The following ARSB variants were observed in gnomAD, a reference collection of about 807,000 sequenced individuals.
ARSB encodes arylsulfatase B.
ARSB carries 41 observed loss-of-function variants against 50.9 expected under a neutral mutation model. That is an observed-to-expected ratio of 0.81 (90% CI 0.63 to 1.04). The LOEUF is 1.04. Among genes scored for constraint, ARSB ranks in the 50% least tolerant of loss-of-function variants. ARSB has a pLI of 0.00. For synonymous variants in ARSB, 269 were observed against 284.8 expected, an observed-to-expected ratio of 0.94 and a Z score of 0.56; for missense variants, 672 against 693.3, an observed-to-expected ratio of 0.97 and a Z score of 0.35.
At position 78,786,734 on chromosome 5, in the gene ARSB, C is replaced by G. The variant is rs1749089648; in HGVS notation, c.1214-4760G>C. On this transcript the variant is annotated intron_variant, in intron 6 of 7. Coordinates refer to ENST00000264914, the MANE Select transcript of ARSB (RefSeq NM_000046.5). Reference sequence around the variant, plus strand: ...TCCTAGGCTCAAGCGATCCTCTCACCTTAGCCTCCAGAATAGCGGGGACTA... The same window carrying G: ...TCCTAGGCTCAAGCGATCCTCTCACGTTAGCCTCCAGAATAGCGGGGACTA... Among the ~76,000 whole-genome samples the G allele has an allele frequency of 5.3e-5, 8 of 152,314 alleles. No individual in the cohort carries two copies. The South Asian group carries it at 1.7e-3, about 32-fold the overall frequency.
chr5:78,908,421 T>A (rs1055623221), intron 4 of ARSB, among the ~76,000 whole-genome samples: 2 of 151,948 alleles, frequency 1.3e-5, no homozygotes, highest in African/African-American at 4.8e-5. Context: ...AAGAAAAGGC[T>A]CAACAGGAAC....
chr5:78,796,760 T>C (rs1325433306), intron 6 of ARSB, among the ~76,000 whole-genome samples: 1 of 152,136 alleles, frequency 6.6e-6, no homozygotes, highest in Non-Finnish European at 1.5e-5. Context: ...TTCAAGTGAT[T>C]CTCCTGCCTC....
intron 4 of ARSB, among the ~76,000 whole-genome samples, chr5:78,905,937 A>T (rs1377184831): frequency 6.8e-6 from 1 of 147,354 alleles, no homozygotes; most frequent in Admixed American, 6.7e-5. Context: ...AAAAAAAAAA[A>T]GAGGAAAATA....
rs946233967 is a variant in ARSB, at chr5:78,873,747, G to A, written c.1142+11837C>T. ...CCTGACCTTGTGATCCGCCCGCCTCGGCCTCCCAAAGTGCTGGGATTACAG... is the reference window on the plus strand; with the variant it reads ...CCTGACCTTGTGATCCGCCCGCCTCAGCCTCCCAAAGTGCTGGGATTACAG... On this transcript the variant is annotated intron_variant, in intron 5 of 7. Coordinates refer to ENST00000264914, the MANE Select transcript of ARSB (RefSeq NM_000046.5). Among the ~76,000 whole-genome samples, 6 of 151,784 alleles carry A rather than the reference G, an allele frequency of 4.0e-5. No homozygotes were observed. In the South Asian group the frequency reaches 1.0e-3, roughly 26 times the overall value.
intron 5 of ARSB, among the ~76,000 whole-genome samples, chr5:78,848,072 T>A (rs1745534791): frequency 6.6e-6 from 1 of 150,766 alleles, no homozygotes; most frequent in Non-Finnish European, 1.5e-5. Flanking sequence ...TTATTATTAT[T>A]TTATTATTAT....
chr5:78,859,040 C>T (rs1460724245), intron 5 of ARSB, among the ~76,000 whole-genome samples: 1 of 152,090 alleles, frequency 6.6e-6, no homozygotes, highest in Non-Finnish European at 1.5e-5. Context: ...CAAAAAGTAC[C>T]GATTTTTAAC....
chr5:78,972,926 G>A (rs1752521224), intron 1 of ARSB, among the ~76,000 whole-genome samples: 1 of 152,172 alleles, frequency 6.6e-6, no homozygotes, highest in African/African-American at 2.4e-5. Context: ...ATTTGACAGA[G>A]CATTTTTATG....
At chr5:78,945,229 GT>G (rs1751162518) in intron 4 of ARSB, among the ~76,000 whole-genome samples, 2 of 152,190 alleles carry the variant, frequency 1.3e-5, no homozygotes, top group African/African-American at 2.4e-5. Flanking sequence ...CGCTTCCCGG[GT>G]GAGGCGATGC....
intron 4 of ARSB, among the ~76,000 whole-genome samples, chr5:78,923,121 CAGGG>C (rs931671183): frequency 6.6e-6 from 1 of 152,142 alleles, no homozygotes; most frequent in Non-Finnish European, 1.5e-5. Context: ...GAGAGCCAAA[CAGGG>C]AGGGAGGGAA....
At chr5:78,961,657 AATATTCC>A (rs1751991215) in intron 3 of ARSB, among the ~76,000 whole-genome samples, 2 of 152,144 alleles carry the variant, frequency 1.3e-5, no homozygotes, top group Non-Finnish European at 1.5e-5. Context: ...CCTGTGAGGG[AATATTCC>A]ATCGTTCTTC....
intron 5 of ARSB, among the ~76,000 whole-genome samples, chr5:78,855,229 G>T (rs1368154534): frequency 1.3e-5 from 2 of 152,222 alleles, no homozygotes; most frequent in Admixed American, 1.3e-4. Context: ...AGAGGGTGAT[G>T]TGTCATTTCG....
chr5:78,895,202 A>G (rs910828322), intron 4 of ARSB, among the ~76,000 whole-genome samples: 6 of 152,258 alleles, frequency 3.9e-5, no homozygotes, highest in Non-Finnish European at 8.8e-5. Context: ...ATAGCAGGCT[A>G]GAATCTGCAA....
chr5:78,983,722 C>T (rs1753018793), intron 1 of ARSB, among the ~76,000 whole-genome samples: 1 of 152,188 alleles, frequency 6.6e-6, no homozygotes. Flanking sequence ...CCCAATCTTT[C>T]CTCTTTATAA....
rs143471947 is a variant in ARSB, at chr5:78,883,480, A to G, written c.1142+2104T>C. 38 of 152,390 alleles carry G rather than the reference A, an allele frequency of 2.5e-4. No individual in the cohort carries two copies. The East Asian group carries it at 6.5e-3, about 26-fold the overall frequency. 9.4% of individuals were successfully genotyped at this position (152,390 alleles called of 1,614,324 possible). On this transcript the variant is annotated intron_variant, in intron 5 of 7. Transcript: ENST00000264914. Reference sequence around the variant, plus strand: ...AGGATTTTAAAATAATATGAAAATAATATGACTCATAAGAACCAAAATAAT... The same window carrying G: ...AGGATTTTAAAATAATATGAAAATAGTATGACTCATAAGAACCAAAATAAT...
At chr5:78,894,820 G>A (rs1388700211) in intron 4 of ARSB, among the ~76,000 whole-genome samples, 1 of 152,206 alleles carries the variant, frequency 6.6e-6, no homozygotes, top group Non-Finnish European at 1.5e-5. Flanking sequence ...CTGGGCAGCA[G>A]CCCCACCTCT....
chr5:78,881,424 A>C (rs1038221491), intron 5 of ARSB, among the ~76,000 whole-genome samples: 5 of 151,310 alleles, frequency 3.3e-5, no homozygotes, highest in Non-Finnish European at 7.4e-5. Context: ...TAAAAAGACA[A>C]AAAAAAAGGA....
In ARSB at chr5:78,799,613, C is replaced by T. The variant is rs915082770; in HGVS notation, c.1214-17639G>A. ...CCCGCATACGGAAAACCAATTAAGA[C>T]GGGGAGAAAAATGAAACAGAACTGT... On this transcript the variant is annotated intron_variant, in intron 6 of 7. Coordinates refer to ENST00000264914, the MANE Select transcript of ARSB (RefSeq NM_000046.5). 4.6e-5 allele frequency among the ~76,000 whole-genome samples: 7 copies of T among 152,132 alleles called. No homozygotes were observed. In the South Asian group the frequency reaches 6.2e-4, roughly 14 times the overall value.
chr5:78,781,660 G>A (rs1464265263), intron 7 of ARSB, among the ~76,000 whole-genome samples, 192 bp downstream of exon 7: 1 of 152,154 alleles, frequency 6.6e-6, no homozygotes, highest in Non-Finnish European at 1.5e-5. Context: ...AGGGCTTAGG[G>A]GCCTTGAGGA....
chr5:78,860,954 C>A lies in ARSB; in HGVS notation c.1143-21528G>T, dbSNP rs535028539. Among the ~76,000 whole-genome samples, 19 of 152,316 alleles carry A rather than the reference C, an allele frequency of 1.2e-4. No individual in the cohort carries two copies. In the South Asian group the frequency reaches 3.7e-3, roughly 30 times the overall value. On this transcript the variant is annotated intron_variant, in intron 5 of 7. Coordinates refer to ENST00000264914, the MANE Select transcript of ARSB (RefSeq NM_000046.5). ...TATCAGCACCAATCCCACAGAAATACAAACTACCGTCAGAGAATACTACAA... is the reference window on the plus strand; with the variant it reads ...TATCAGCACCAATCCCACAGAAATAAAAACTACCGTCAGAGAATACTACAA...
Sources: gnomAD v4.1 joint callset for allele counts (sites outside exome capture counted in the v4.1 genomes callset) on GRCh38, gnomAD v4.1.1 for gene constraint, MANE v1.5 for transcripts, NCBI Gene and HGNC (gene_info 2026-07-23, HGNC 2026-07-21) for gene names.